KCNAB1: variants seen among roughly 807,000 people sequenced by gnomAD.
The protein encoded by KCNAB1 is voltage-gated potassium channel subunit beta-1.
Under a neutral mutation model 64.6 loss-of-function variants are expected in KCNAB1, and 35 were observed. The observed-to-expected ratio is 0.54, with a 90% CI of 0.41 to 0.72. The LOEUF is 0.72. KCNAB1 is among the 30% of genes least tolerant of loss of function. KCNAB1 has a pLI of 0.00. For missense variants in KCNAB1, 401 were observed against 512.9 expected, an observed-to-expected ratio of 0.78 and a Z score of 2.11; for synonymous variants, 177 against 183.8, an observed-to-expected ratio of 0.96 and a Z score of 0.30.
At chr3:156,346,692 G>C (rs756337339) in intron 1 of KCNAB1, among the ~76,000 whole-genome samples, 3 of 152,124 alleles carry the variant, frequency 2.0e-5, no homozygotes, top group Non-Finnish European at 4.4e-5. Flanking sequence ...TGTCTTATTC[G>C]TAATAAGTAA....
chr3:156,278,307 T>C (rs1719471853), intron 1 of KCNAB1, among the ~76,000 whole-genome samples: 1 of 152,210 alleles, frequency 6.6e-6, no homozygotes, highest in African/African-American at 2.4e-5. Context: ...CATCCCATCA[T>C]GCGAGGTTAG....
intron 8 of KCNAB1, among the ~76,000 whole-genome samples, chr3:156,483,197 G>A (rs1405012439): frequency 6.6e-6 from 1 of 151,952 alleles, no homozygotes; most frequent in Admixed American, 6.6e-5. Context: ...GCTCAGCAAG[G>A]AAAAGATGCC....
intron 2 of KCNAB1, among the ~76,000 whole-genome samples, chr3:156,436,278 G>A (rs1716580625): frequency 6.6e-6 from 1 of 152,060 alleles, no homozygotes; most frequent in Admixed American, 6.5e-5. Context: ...AGTATTCCAT[G>A]GTATATATAT....
chr3:156,483,539 T>C (rs1714984404), intron 8 of KCNAB1, among the ~76,000 whole-genome samples: 1 of 152,110 alleles, frequency 6.6e-6, no homozygotes, highest in Non-Finnish European at 1.5e-5. Context: ...GGGTTACTAA[T>C]CCACTTAGTT....
chr3:156,455,869 T>C (rs1444816470), intron 3 of KCNAB1: 1 of 152,186 alleles, frequency 6.6e-6, no homozygotes, highest in African/African-American at 2.4e-5. Flanking sequence ...GAACAAAGAA[T>C]AATGTTCCTA....
intron 1 of KCNAB1, among the ~76,000 whole-genome samples, chr3:156,413,465 C>A (rs149060286): frequency 2.8e-4 from 42 of 152,302 alleles, no homozygotes; most frequent in African/African-American, 1.0e-3. Flanking sequence ...CAAGCCCTAT[C>A]TTAAATGCTG....
intron 13 of KCNAB1, among the ~76,000 whole-genome samples, chr3:156,535,268 T>G (rs1353338090): frequency 1.3e-5 from 2 of 152,194 alleles, no homozygotes; most frequent in Admixed American, 1.3e-4. Flanking sequence ...CCAGCAGGAT[T>G]GCAACAAAGG....
In KCNAB1 at chr3:156,424,109, T is replaced by A. The variant is rs563680841; in HGVS notation, c.319+2450T>A. On this transcript the variant is annotated intron_variant, in intron 2 of 13. Coordinates refer to ENST00000490337, the MANE Select transcript of KCNAB1 (RefSeq NM_172160.3). ...GAGAGAAGGTTAAGAAACTTGGAGG[T>A]GAAGGTGCAGGGAAGATCATCTTTG... 7.9e-5 allele frequency among the ~76,000 whole-genome samples: 12 copies of A among 151,970 alleles called. No homozygotes were observed. The South Asian group carries it at 2.5e-3, about 32-fold the overall frequency.
At chr3:156,431,000 A>G (rs16826111) in intron 2 of KCNAB1, among the ~76,000 whole-genome samples, 5,497 of 152,292 alleles carry the variant, frequency 0.036, 160 homozygotes, top group African/African-American at 0.083. Context: ...AACGCTCCAC[A>G]GACAGAATGG....
intron 1 of KCNAB1, among the ~76,000 whole-genome samples, chr3:156,216,775 G>T (rs1003517248): frequency 6.6e-6 from 1 of 152,110 alleles, no homozygotes. Context: ...CTGCTTGACA[G>T]ATGAGGAAAT....
intron 8 of KCNAB1, among the ~76,000 whole-genome samples, chr3:156,509,505 A>T (rs1268329123): frequency 1.3e-5 from 2 of 152,146 alleles, no homozygotes; most frequent in Non-Finnish European, 2.9e-5. Flanking sequence ...GAGTTTTTAA[A>T]TTATTATCGA....
intron 1 of KCNAB1, among the ~76,000 whole-genome samples, chr3:156,332,486 C>T (rs1052607326): frequency 1.3e-5 from 2 of 152,098 alleles, no homozygotes; most frequent in Admixed American, 1.3e-4. Context: ...AATAGTGCTC[C>T]CTGCCTAGTG....
intron 2 of KCNAB1, among the ~76,000 whole-genome samples, chr3:156,451,486 C>T (rs1712002683): frequency 6.6e-6 from 1 of 152,130 alleles, no homozygotes; most frequent in Admixed American, 6.5e-5. Context: ...CTGGGTATTC[C>T]ACTTATCGAG....
At chr3:156,379,162 G>A (rs531844763) in intron 1 of KCNAB1, among the ~76,000 whole-genome samples, 34 of 152,320 alleles carry the variant, frequency 2.2e-4, no homozygotes, top group Non-Finnish European at 4.3e-4. Flanking sequence ...TGACGATCCC[G>A]CTGAGAAGAG....
At chr3:156,142,584 A>T (rs1340196470) in intron 1 of KCNAB1, among the ~76,000 whole-genome samples, 1 of 152,252 alleles carries the variant, frequency 6.6e-6, no homozygotes, top group African/African-American at 2.4e-5. Flanking sequence ...ATAATTAGCC[A>T]TATTTGTGTG....
chr3:156,523,695 C>CT, intron 11 of KCNAB1, 132 bp from the exon 12 acceptor site: 1 of 770,234 alleles, frequency 1.3e-6, no homozygotes, highest in Non-Finnish European at 2.2e-6. Context: ...GAAATCATCC[C>CT]TGTCAGTGTG....
chr3:156,518,392 A>T (rs955892670), intron 11 of KCNAB1, among the ~76,000 whole-genome samples: 3 of 152,144 alleles, frequency 2.0e-5, no homozygotes, highest in African/African-American at 7.2e-5. Flanking sequence ...GAGCAAAAAA[A>T]TAAAAAGTAA....
chr3:156,167,774 A>G (rs1272878873), intron 1 of KCNAB1, among the ~76,000 whole-genome samples: 1 of 152,234 alleles, frequency 6.6e-6, no homozygotes, highest in Admixed American at 6.5e-5. Context: ...GCCAAGAGTC[A>G]GAAAAACTGT....
chr3:156,377,553 G>C (rs1292430141), intron 1 of KCNAB1, among the ~76,000 whole-genome samples: 1 of 152,154 alleles, frequency 6.6e-6, no homozygotes, highest in Non-Finnish European at 1.5e-5. Context: ...TTGTGTGTGA[G>C]GTGAAGGCCT....
Sources: allele counts gnomAD v4.1 joint callset (sites outside exome capture counted in the v4.1 genomes callset), GRCh38; gene constraint gnomAD v4.1.1; transcripts MANE v1.5; gene names NCBI Gene and HGNC (gene_info 2026-07-23, HGNC 2026-07-21).